Variants in NUDCD1 observed in about 807,000 individuals in gnomAD.
The protein encoded by NUDCD1 is nudC domain-containing protein 1.
NUDCD1 carries 60 observed loss-of-function variants against 67.8 expected under a neutral mutation model. That is an observed-to-expected ratio of 0.88 (90% CI 0.72 to 1.10). The LOEUF (loss-of-function observed/expected upper bound fraction) is 1.10, where lower values mean the gene tolerates loss of function less well. Ranked by LOEUF, NUDCD1 falls within the 50% of genes least tolerant of loss-of-function variation. The pLI is 0.00. For missense variants in NUDCD1, 643 were observed against 695.0 expected (o/e 0.93, Z 0.84); for synonymous variants, 244 against 230.8 (o/e 1.06, Z -0.52).
At chr8:109,258,977 C>T (rs186282002) in intron 8 of NUDCD1, among the ~76,000 whole-genome samples, 1 of 152,138 alleles carries the variant, frequency 6.6e-6, no homozygotes, top group African/African-American at 2.4e-5. Context: ...TCCAATAAAA[C>T]CACACTCATA....
intron 3 of NUDCD1, among the ~76,000 whole-genome samples, chr8:109,294,388 T>C (rs1245027754): frequency 6.6e-6 from 1 of 152,000 alleles, no homozygotes; most frequent in Non-Finnish European, 1.5e-5. Flanking sequence ...GCCTTCAGAA[T>C]CCATTCTTAA....
At chr8:109,307,136 A>C (rs1815126244) in intron 2 of NUDCD1, among the ~76,000 whole-genome samples, 1 of 152,320 alleles carries the variant, frequency 6.6e-6, no homozygotes, top group Admixed American at 6.5e-5. Flanking sequence ...AGAAGTGAAA[A>C]TAGCCTTAAC....
chr8:109,294,272 C>T (rs9886475), intron 3 of NUDCD1, among the ~76,000 whole-genome samples: 1 of 151,974 alleles, frequency 6.6e-6, no homozygotes, highest in Non-Finnish European at 1.5e-5. Context: ...TACCTGGTAT[C>T]CCCACATATC....
intron 8 of NUDCD1, among the ~76,000 whole-genome samples, chr8:109,260,730 A>G (rs191296428): frequency 2.0e-5 from 3 of 152,332 alleles, no homozygotes; most frequent in Admixed American, 1.3e-4. Context: ...TGGCCTTGCC[A>G]GATTTGTGCT....
chr8:109,246,883 G>C (rs1254875079), intron 8 of NUDCD1, among the ~76,000 whole-genome samples: 1 of 152,180 alleles, frequency 6.6e-6, no homozygotes, highest in Non-Finnish European at 1.5e-5. Flanking sequence ...CTGTGAAGTG[G>C]CTCTCCAGCA....
In NUDCD1 at chr8:109,334,017, C is replaced by T; in HGVS notation, c.-7G>A. The T allele has an allele frequency of 6.2e-7, 1 of 1,614,150 alleles. No homozygotes were observed. The highest frequency in any genetic ancestry group is 8.5e-7 in the Non-Finnish European group (1 of 1,180,010). The stretch of plus-strand genomic sequence containing the variant: ...AATTAGCCGCCACCTCCATCGCTTT[C>T]CAGGGCCGCAGCGTGAGAATTAATA... On this transcript the variant is annotated 5_prime_UTR_variant, in exon 1 of 10. Coordinates refer to ENST00000239690, the MANE Select transcript of NUDCD1 (RefSeq NM_032869.4).
chr8:109,330,493 A>C (rs965210706), intron 1 of NUDCD1, among the ~76,000 whole-genome samples: 3 of 152,218 alleles, frequency 2.0e-5, no homozygotes, highest in Non-Finnish European at 2.9e-5. Flanking sequence ...ATAGTTTTTA[A>C]ACAAAATAAT....
chr8:109,298,319 G>A (rs1038036450), intron 2 of NUDCD1, among the ~76,000 whole-genome samples: 13 of 152,074 alleles, frequency 8.5e-5, no homozygotes, highest in African/African-American at 3.1e-4. Context: ...AACCCATTTG[G>A]TCTGTTAAGT....
chr8:109,280,893 G>A (rs1445421331), intron 6 of NUDCD1, 75 bp downstream of exon 6: 2 of 667,096 alleles, frequency 3.0e-6, no homozygotes, highest in Non-Finnish European at 4.8e-6. Context: ...AATCTCTGAT[G>A]TAACCACTGT....
rs577655348 is a variant in NUDCD1, at chr8:109,256,785, T to G, written c.1300-11304A>C. Among the ~76,000 whole-genome samples the G allele has an allele frequency of 2.6e-5, 4 of 151,992 alleles. No individual in the cohort carries two copies. In the East Asian group the frequency reaches 7.7e-4, roughly 29 times the overall value. ...TGCACTGCAAGGGAAACATCTTTTA[T>G]GTAGTATTCCTGGCAAAAAAAAAAT... is the stretch of plus-strand genomic sequence containing the variant. On this transcript the variant is annotated intron_variant, in intron 8 of 9. Coordinates refer to ENST00000239690, the MANE Select transcript of NUDCD1 (RefSeq NM_032869.4).
At chr8:109,274,480 T>C (rs1439896469) in intron 7 of NUDCD1, among the ~76,000 whole-genome samples, 2 of 152,166 alleles carry the variant, frequency 1.3e-5, no homozygotes, top group Non-Finnish European at 2.9e-5. Context: ...CAATGCAGCC[T>C]GCATGGCTTG....
intron 2 of NUDCD1, among the ~76,000 whole-genome samples, chr8:109,304,761 T>A (rs185654359): frequency 1.3e-5 from 2 of 152,268 alleles, no homozygotes; most frequent in African/African-American, 4.8e-5. Flanking sequence ...TCAGATCCCA[T>A]CGCTCAGGGT....
At chr8:109,286,026 A>G (rs1178183359) in intron 5 of NUDCD1, among the ~76,000 whole-genome samples, 1 of 152,088 alleles carries the variant, frequency 6.6e-6, no homozygotes, top group East Asian at 1.9e-4. Flanking sequence ...GAGCCAAATC[A>G]AGAACACAAT....
chr8:109,258,711 A>G (rs1285183123), intron 8 of NUDCD1, among the ~76,000 whole-genome samples: 1 of 152,152 alleles, frequency 6.6e-6, no homozygotes, highest in Non-Finnish European at 1.5e-5. Context: ...AAAAAGTATC[A>G]GTTAAGCATT....
rs1387300271 is a variant in NUDCD1 at position 109,333,994 on chromosome 8, T to G, written c.17A>C (p.Asn6Thr). The change falls in exon 1 of 10, where the codon AAT becomes ACT. Residue 6 changes from asparagine (N) to threonine (T), a missense_variant. Transcript: ENST00000239690. The stretch of plus-strand genomic sequence containing the variant: ...AGGTCTCTTCACCCGTAGGGAGCAA[T>G]TAGCCGCCACCTCCATCGCTTTCCA... MEVAA[N>T]CSLRVKRPLL... 6.2e-7 allele frequency: 1 copy of G among 1,614,132 alleles called. No individual in the cohort carries two copies. The highest frequency in any genetic ancestry group is 1.1e-5 in the South Asian group (1 of 91,086).
chr8:109,310,393 G>C (rs548295422), intron 2 of NUDCD1, among the ~76,000 whole-genome samples: 1 of 152,304 alleles, frequency 6.6e-6, no homozygotes, highest in Admixed American at 6.5e-5. Context: ...TCAACAAATG[G>C]TGCTGGGATA....
chr8:109,328,624 T>C (rs1425290640), intron 1 of NUDCD1, among the ~76,000 whole-genome samples: 2 of 152,172 alleles, frequency 1.3e-5, no homozygotes, highest in Non-Finnish European at 2.9e-5. Context: ...ACCCTTAATT[T>C]GTGGGATACT....
intron 2 of NUDCD1, among the ~76,000 whole-genome samples, chr8:109,301,237 T>C (rs543516138): frequency 2.0e-5 from 3 of 152,180 alleles, no homozygotes; most frequent in Non-Finnish European, 4.4e-5. Flanking sequence ...CCCTAACTGA[T>C]AGGATATATT....
At chr8:109,271,373 T>C (rs1220826336) in intron 7 of NUDCD1, among the ~76,000 whole-genome samples, 2 of 152,058 alleles carry the variant, frequency 1.3e-5, no homozygotes, top group Non-Finnish European at 1.5e-5. Flanking sequence ...CATAACCATG[T>C]TGAGAAAGAG....
Sources: allele counts gnomAD v4.1 joint callset (sites outside exome capture counted in the v4.1 genomes callset), GRCh38; gene constraint gnomAD v4.1.1; transcripts MANE v1.5; gene names NCBI Gene and HGNC (gene_info 2026-07-23, HGNC 2026-07-21).